Variants in BIN1 observed in about 807,000 individuals in gnomAD.
BIN1 encodes the protein myc box-dependent-interacting protein 1.
In BIN1, 53 loss-of-function variants were observed where a neutral mutation model predicts 82.0. The ratio of observed to expected loss-of-function variants is 0.65; its 90% confidence interval spans 0.52 to 0.81. The LOEUF (loss-of-function observed/expected upper bound fraction) is 0.81. BIN1 is among the 40% of genes least tolerant of loss of function. The pLI, the probability that BIN1 is intolerant of heterozygous loss-of-function variation, is 0.00. For synonymous variants in BIN1, 302 were observed against 328.0 expected (o/e 0.92, Z 0.86); for missense variants, 642 against 784.4 (o/e 0.82, Z 2.17).
At position 127,068,135 on chromosome 2, in the gene BIN1, CA is replaced by C. The variant is rs779314617; in HGVS notation, c.612+27del. On this transcript the variant is annotated intron_variant, in intron 7 of 18. Transcript: ENST00000316724. The surrounding 1 kb of genome is among the most constrained non-coding windows in gnomAD (Gnocchi z 4.9). ...AGGACGACAGACCGGAAGGCGCCAG[CA>C]CGTGCAAGGTTAGAAGCCAGTGTCA... is the stretch of plus-strand genomic sequence containing the variant. 1 of 1,604,376 alleles carries C rather than the reference CA, an allele frequency of 6.2e-7. No homozygotes were observed. Among genetic ancestry groups the C allele is most frequent in the South Asian group, 1.1e-5 (1 of 89,922 alleles).
rs1573526323 is a variant in BIN1 at position 127,050,256 on chromosome 2, G to A, written c.1674+165C>T. On this transcript the variant is annotated intron_variant, in intron 18 of 18. Transcript: ENST00000316724. The stretch of plus-strand genomic sequence containing the variant: ...AGGGAAGGGAGAGGAGAGGGAGAGA[G>A]GAAAAAGCCCGACGTGGAGGGCGGG... 4.3e-6 allele frequency: 3 copies of A among 699,818 alleles called. No individual in the cohort carries two copies. In the East Asian group the frequency reaches 8.1e-5, roughly 19 times the overall value. The allele number at this position is 699,818 out of a possible 1,614,324, so 43.4% of individuals were successfully genotyped here. A position where few individuals can be genotyped will look rare whatever the true frequency, so the allele number is the denominator to read the frequency against.
In BIN1 at chr2:127,096,089, A is replaced by G. The variant is rs533540280; in HGVS notation, c.84+10771T>C. On this transcript the variant is annotated intron_variant, in intron 1 of 18. Transcript: ENST00000316724. ...TGAGTGAATGAATAAATGATGCCAG[A>G]CCCTCACCTCCACCCCCAGCCCTGT... is the stretch of plus-strand genomic sequence containing the variant. Among the ~76,000 whole-genome samples, 73 of 152,006 alleles carry G rather than the reference A, an allele frequency of 4.8e-4. 2 individuals carry two copies. The South Asian group carries it at 0.014, about 29-fold the overall frequency.
At chr2:127,055,199 A>C (rs576995408) in intron 12 of BIN1, 2 of 152,568 alleles carry the variant, frequency 1.3e-5, no homozygotes, top group East Asian at 3.9e-4. Context: ...TCCACCATGA[A>C]GGATGTGAGA....
intron 1 of BIN1, among the ~76,000 whole-genome samples, chr2:127,094,112 C>G (rs1168922120): frequency 6.6e-6 from 1 of 152,192 alleles, no homozygotes; most frequent in Admixed American, 6.5e-5. Flanking sequence ...CTCATGACAA[C>G]CCTCCCACAC....
chr2:127,097,359 G>A (rs780846050), intron 1 of BIN1, among the ~76,000 whole-genome samples: 18 of 151,690 alleles, frequency 1.2e-4, no homozygotes, highest in African/African-American at 3.6e-4. Flanking sequence ...GCCCAGCAGC[G>A]TCACTCCTCC....
Position 127,057,058 on chromosome 2 carries a change from G to T in BIN1, c.1131+415C>A, listed in dbSNP as rs114252128. ...CCTGGCCGCTGCCCCCGCCCTCGAGGGGCTGACAGCAGCTGTGGGAGCTGA... is the reference window on the plus strand; with the variant it reads ...CCTGGCCGCTGCCCCCGCCCTCGAGTGGCTGACAGCAGCTGTGGGAGCTGA... On this transcript the variant is annotated intron_variant, in intron 12 of 18. Coordinates refer to ENST00000316724, the MANE Select transcript of BIN1 (RefSeq NM_139343.3). The surrounding 1 kb of genome is among the most constrained non-coding windows in gnomAD (Gnocchi z 5.0). 0.034 allele frequency among the ~76,000 whole-genome samples: 5,108 copies of T among 152,336 alleles called. 115 individuals are homozygous for T. The highest frequency in any genetic ancestry group is 0.05 in the Non-Finnish European group (3,394 of 68,028).
chr2:127,097,079 T>C (rs569643703), intron 1 of BIN1, among the ~76,000 whole-genome samples: 1 of 152,196 alleles, frequency 6.6e-6, no homozygotes, highest in South Asian at 2.1e-4. Flanking sequence ...CACTCGGGGG[T>C]CTGTCCTGGA....
chr2:127,092,867 C>T, intron 1 of BIN1, among the ~76,000 whole-genome samples: 1 of 152,130 alleles, frequency 6.6e-6, no homozygotes, highest in East Asian at 1.9e-4. Flanking sequence ...ACCCCCTGTG[C>T]CCGAAAGGAA....
At chr2:127,050,078 A>G (rs967338346) in intron 18 of BIN1, among the ~76,000 whole-genome samples, 1 of 152,238 alleles carries the variant, frequency 6.6e-6, no homozygotes, top group Non-Finnish European at 1.5e-5. Flanking sequence ...GGCAGGCCTC[A>G]GGCACAGCTG....
chr2:127,062,933 C>T (rs1684689720), intron 9 of BIN1, among the ~76,000 whole-genome samples: 1 of 152,200 alleles, frequency 6.6e-6, no homozygotes, highest in Non-Finnish European at 1.5e-5. Context: ...CTCCTCCGAC[C>T]CTGGGCCTGG....
In BIN1 at chr2:127,048,844, C is replaced by T. The variant is rs114783224; in HGVS notation, c.1675-211G>A. On this transcript the variant is annotated intron_variant, in intron 18 of 18. Coordinates refer to ENST00000316724, the MANE Select transcript of BIN1 (RefSeq NM_139343.3). ...GCCCAGAGGCACCACAGGAGCCAGC[C>T]TGTCGTCCGCAGGTGGATCTAACCA... 2.4e-3 allele frequency among the ~76,000 whole-genome samples: 369 copies of T among 152,376 alleles called. 2 individuals are homozygous for T. Among genetic ancestry groups the T allele is most frequent in the African/African-American group, 8.6e-3 (359 of 41,592 alleles).
chr2:127,074,903 A>G (rs923157786), intron 2 of BIN1, among the ~76,000 whole-genome samples: 5 of 152,048 alleles, frequency 3.3e-5, no homozygotes, highest in African/African-American at 1.2e-4. Flanking sequence ...GGGTTTCACC[A>G]TATTGGCCAG....
chr2:127,050,500 G>T lies in BIN1; in HGVS notation c.1595C>A (p.Thr532Lys). ...CTGCAGCTCGTCTGTGTCAGTGGCC[G>T]TGTAGTCGTGCTGGGCCTGTACCTG... ...MFKVQAQHDY[T>K]ATDTDELQLK... is the part of the protein sequence containing the mutation. The change falls in exon 18 of 19, where the codon ACG becomes AAG. Residue 532 changes from threonine to lysine, a missense_variant. Thr to Lys is a moderately conservative substitution (Grantham distance 78). Transcript: ENST00000316724. The T allele has an allele frequency of 1.2e-6, 2 of 1,614,214 alleles. No homozygotes were observed. The highest frequency in any genetic ancestry group is 1.7e-6 in the Non-Finnish European group (2 of 1,180,036).
chr2:127,053,985 G>A lies in BIN1; in HGVS notation c.1159C>T (p.Gln387Ter), dbSNP rs1012020905. ...AAGTCCAGGTCCAGCAGACTGGCCT[G>A]CTCCGAGAAAGGCCCCGGGGCCTCA... ...QFEAPGPFSE[Q>*]ASLLDLDFDP... Residue 387 changes from glutamine to a stop codon, truncating the protein, a stop_gained, in exon 13 of 19, where the codon CAG becomes TAG. Transcript: ENST00000316724. LOFTEE classifies it high-confidence loss of function. 1 of 1,551,422 alleles carries A rather than the reference G, an allele frequency of 6.4e-7. No individual in the cohort carries two copies. Among genetic ancestry groups the A allele is most frequent in the Non-Finnish European group, 8.7e-7 (1 of 1,146,964 alleles).
chr2:127,052,113 C>G, intron 15 of BIN1, 142 bp downstream of exon 15: 1 of 931,208 alleles, frequency 1.1e-6, no homozygotes, highest in Non-Finnish European at 1.7e-6. Flanking sequence ...CGTGCTGGGG[C>G]AGCCTAGCTC....
At chr2:127,077,958 G>A (rs912438543) in intron 1 of BIN1, among the ~76,000 whole-genome samples, 1 of 152,178 alleles carries the variant, frequency 6.6e-6, no homozygotes, top group Admixed American at 6.5e-5. Flanking sequence ...GGAGCGGTGG[G>A]GAGCCCCAGG....
intron 1 of BIN1, among the ~76,000 whole-genome samples, chr2:127,094,600 TG>T (rs1244529312): frequency 6.6e-6 from 1 of 152,070 alleles, no homozygotes; most frequent in Non-Finnish European, 1.5e-5. Flanking sequence ...AGCACTGGAG[TG>T]GCGCGGAGCC....
chr2:127,103,201 T>C (rs1210565743), intron 1 of BIN1, among the ~76,000 whole-genome samples: 1 of 152,186 alleles, frequency 6.6e-6, no homozygotes, highest in East Asian at 1.9e-4. Flanking sequence ...ACAGGGACCA[T>C]GCACCCACTC....
At chr2:127,064,703 G>C (rs1684927266) in intron 7 of BIN1, 1 of 162,924 alleles carries the variant, frequency 6.1e-6, no homozygotes, top group Admixed American at 5.6e-5. Flanking sequence ...CAGCTGGGCT[G>C]TGCCTGGTCC....
Sources: gnomAD v4.1 joint callset for allele counts (sites outside exome capture counted in the v4.1 genomes callset) on GRCh38, gnomAD v4.1.1 for gene constraint, Gnocchi (gnomAD v3.1) non-coding constraint, MANE v1.5 for transcripts, NCBI Gene and HGNC (gene_info 2026-07-23, HGNC 2026-07-21) for gene names.